Variants in COL11A1 observed in about 807,000 individuals in gnomAD.
COL11A1 encodes collagen type XI alpha 1 chain.
Under a neutral mutation model 265.2 loss-of-function variants are expected in COL11A1, and 74 were observed. The ratio of observed to expected loss-of-function variants is 0.28; its 90% CI spans 0.23 to 0.34. The LOEUF (loss-of-function observed/expected upper bound fraction) is 0.34, where lower values mean the gene tolerates loss of function less well. Among genes scored for constraint, COL11A1 ranks in the 10% least tolerant of loss-of-function variants. The pLI is 1.00. For synonymous variants in COL11A1, 816 were observed against 727.6 expected, an observed-to-expected ratio of 1.12 and a Z score of -1.96; for missense variants, 2,165 against 2,263.6, an observed-to-expected ratio of 0.96 and a Z score of 0.88.
At chr1:103,063,790 T>A (rs972441692) in intron 4 of COL11A1, among the ~76,000 whole-genome samples, 1 of 152,154 alleles carries the variant, frequency 6.6e-6, no homozygotes, top group Non-Finnish European at 1.5e-5. Flanking sequence ...AGCAGGTGCA[T>A]GTGTTTGCAA....
intron 41 of COL11A1, among the ~76,000 whole-genome samples, chr1:102,958,493 G>A (rs189589484): frequency 6.6e-6 from 1 of 152,098 alleles, no homozygotes; most frequent in Non-Finnish European, 1.5e-5. Flanking sequence ...AATTTTATGT[G>A]ATGTAATCAC....
At chr1:103,089,146 A>G (rs1376096279) in intron 1 of COL11A1, among the ~76,000 whole-genome samples, 1 of 152,182 alleles carries the variant, frequency 6.6e-6, no homozygotes, top group East Asian at 1.9e-4. Context: ...AAACCTATGA[A>G]TGCCTGGAAC....
At chr1:102,896,603 T>C (rs1570657389) in intron 57 of COL11A1, among the ~76,000 whole-genome samples, 1 of 152,206 alleles carries the variant, frequency 6.6e-6, no homozygotes, top group African/African-American at 2.4e-5. Context: ...CCACTTCTGA[T>C]GTTTATCATT....
At chr1:103,097,722 A>C (rs1673896451) in intron 1 of COL11A1, among the ~76,000 whole-genome samples, 5 of 151,998 alleles carry the variant, frequency 3.3e-5, no homozygotes, top group Admixed American at 2.6e-4. Context: ...ATTAGTTTAG[A>C]ATTCAGGAAG....
rs1350002806 is a variant in COL11A1 at position 102,879,699 on chromosome 1, A to G, written c.5258T>C (p.Leu1753Pro). 9.9e-6 allele frequency: 16 copies of G among 1,613,388 alleles called. No individual in the cohort carries two copies. The highest frequency in any genetic ancestry group is 1.3e-5 in the Non-Finnish European group (15 of 1,179,598). The change falls in exon 66 of 67, where the codon CTG (leucine) becomes CCG (proline). Residue 1753 changes from leucine to proline, a missense_variant. By Grantham distance (98) the Leu-to-Pro change is moderately conservative. Transcript: ENST00000370096. ...SYDNNPFIKT[L>P]YDGCASRKGY... is the part of the protein sequence containing the mutation. ...TATACTCACCGCACAACCATCATAC[A>G]GTGTTTTGATAAAAGGATTATTGTC...
rs74110504 is a variant in COL11A1, at chr1:102,927,279, G to A, written c.3601-3890C>T. On this transcript the variant is annotated intron_variant, in intron 46 of 66. Coordinates refer to ENST00000370096, the MANE Select transcript of COL11A1 (RefSeq NM_001854.4). ...AATATACCATAAGTTACCCTCATGT[G>A]GGACCTCAATATCATTTAAGACAAA... Among the ~76,000 whole-genome samples, 999 of 152,196 alleles carry A rather than the reference G, an allele frequency of 6.6e-3. 12 individuals carry two copies. The highest frequency in any genetic ancestry group is 0.023 in the African/African-American group (952 of 41,532).
intron 1 of COL11A1, among the ~76,000 whole-genome samples, chr1:103,101,593 C>A (rs2102418550): frequency 6.6e-6 from 1 of 151,986 alleles, no homozygotes; most frequent in African/African-American, 2.4e-5. Flanking sequence ...GCCCGGATGT[C>A]AGTTTACCAG....
At chr1:103,098,438 G>A (rs145964062) in intron 1 of COL11A1, among the ~76,000 whole-genome samples, 4 of 151,894 alleles carry the variant, frequency 2.6e-5, no homozygotes, top group East Asian at 1.9e-4. Flanking sequence ...ACTTTATAAA[G>A]CATCTATGCT....
intron 8 of COL11A1, among the ~76,000 whole-genome samples, chr1:103,022,108 T>C (rs895278537): frequency 6.6e-6 from 1 of 151,642 alleles, no homozygotes; most frequent in South Asian, 2.1e-4. Flanking sequence ...CGCCCGCCTC[T>C]GCCTCCCAAA....
chr1:103,062,470 G>A (rs1670749855), intron 4 of COL11A1, among the ~76,000 whole-genome samples: 1 of 151,824 alleles, frequency 6.6e-6, no homozygotes, highest in Non-Finnish European at 1.5e-5. Flanking sequence ...TATAAAATAA[G>A]TAAATGCCAT....
chr1:102,955,976 C>T (rs939607664), intron 41 of COL11A1, among the ~76,000 whole-genome samples: 1 of 152,148 alleles, frequency 6.6e-6, no homozygotes, highest in Non-Finnish European at 1.5e-5. Context: ...ATCACGTATA[C>T]AGGGAACACT....
intron 36 of COL11A1, among the ~76,000 whole-genome samples, chr1:102,973,263 T>C (rs1570912620): frequency 6.6e-6 from 1 of 152,280 alleles, no homozygotes; most frequent in South Asian, 2.1e-4. Flanking sequence ...CCTACTAGAA[T>C]GCATGCTTCT....
At chr1:103,007,510 TA>T (rs1344537357) in intron 15 of COL11A1, among the ~76,000 whole-genome samples, 1 of 151,832 alleles carries the variant, frequency 6.6e-6, no homozygotes, top group Non-Finnish European at 1.5e-5. Flanking sequence ...AATTTGAAAA[TA>T]TAAATAATTT....
At chr1:102,923,241 T>C in intron 47 of COL11A1, 95 bp downstream of exon 47, 1 of 1,003,778 alleles carries the variant, frequency 1.0e-6, no homozygotes, top group East Asian at 2.6e-5. Context: ...CTCAATAATA[T>C]ATACATAGTA....
chr1:103,042,658 T>C (rs1668904234), intron 4 of COL11A1, among the ~76,000 whole-genome samples: 1 of 152,048 alleles, frequency 6.6e-6, no homozygotes, highest in African/African-American at 2.4e-5. Context: ...GGGACCCTTA[T>C]CACTATTGAC....
chr1:103,011,457 T>G (rs553762652), intron 14 of COL11A1, among the ~76,000 whole-genome samples: 3 of 152,098 alleles, frequency 2.0e-5, no homozygotes, highest in African/African-American at 7.2e-5. Context: ...CTGCAAAATA[T>G]ATATAAAATT....
At chr1:103,011,514 T>G (rs1666126082) in intron 14 of COL11A1, among the ~76,000 whole-genome samples, 1 of 151,998 alleles carries the variant, frequency 6.6e-6, no homozygotes, top group South Asian at 2.1e-4. Context: ...ATCTACATAA[T>G]AAAATCTTCG....
chr1:102,929,832 T>G (rs148588322), intron 46 of COL11A1, among the ~76,000 whole-genome samples: 2,138 of 152,184 alleles, frequency 0.014, 63 homozygotes, highest in African/African-American at 0.049. Flanking sequence ...GATTCCTAGG[T>G]ATTTTATTCT....
At chr1:102,913,866 CAA>C (rs914753709) in intron 52 of COL11A1, among the ~76,000 whole-genome samples, 176 bp from the exon 53 acceptor site, 2 of 151,888 alleles carry the variant, frequency 1.3e-5, no homozygotes, top group African/African-American at 4.8e-5. Context: ...TCACTCTCCG[CAA>C]AAAAATTTGT....
Sources: allele counts gnomAD v4.1 joint callset (sites outside exome capture counted in the v4.1 genomes callset), GRCh38; gene constraint gnomAD v4.1.1; transcripts MANE v1.5; gene names NCBI Gene and HGNC (gene_info 2026-07-23, HGNC 2026-07-21).